The following ASB13 variants were observed in gnomAD, a reference collection of about 807,000 sequenced individuals.
ASB13 encodes ankyrin repeat and SOCS box containing 13.
A neutral mutation model predicts 28.8 loss-of-function variants in ASB13; 33 were observed. The ratio of observed to expected loss-of-function variants is 1.15; its 90% CI spans 0.87 to 1.53. The LOEUF is 1.53. Among genes scored for constraint, ASB13 ranks in the 40% most tolerant of loss-of-function variants. The probability of loss-of-function intolerance (pLI) is 0.00; values close to 1 mark genes in which losing one functional copy is unlikely to be tolerated. For missense variants in ASB13, 414 were observed against 390.1 expected (o/e 1.06, Z -0.52); for synonymous variants, 182 against 172.9 (o/e 1.05, Z -0.41).
Position 5,648,987 on chromosome 10 carries a change from T to C in ASB13, c.500A>G (p.Lys167Arg), listed in dbSNP as rs1032234340. The C allele has an allele frequency of 2.5e-6, 4 of 1,613,928 alleles. No homozygotes were observed. The African/African-American group carries it at 4.0e-5, about 16-fold the overall frequency. ...CCACTCACCTGCATTGAGCAGCACT[T>C]TGACACAGTCCAGATGCTCCCGGGC... ...ACAREHLDCV[K>R]VLLNAGANVN... The change falls in exon 4 of 6, where the codon AAA becomes AGA. Residue 167 changes from lysine to arginine, a missense_variant. Physicochemically the swap from Lys to Arg is conservative, Grantham distance 26. Coordinates refer to ENST00000357700, the MANE Select transcript of ASB13 (RefSeq NM_024701.4).
At chr10:5,654,150 T>TC in intron 1 of ASB13, among the ~76,000 whole-genome samples, 1 of 150,102 alleles carries the variant, frequency 6.7e-6, no homozygotes, top group South Asian at 2.1e-4. Context: ...TTTTTCTTTT[T>TC]TTTTTTTTTT....
In ASB13 at chr10:5,642,021, A is replaced by T; in HGVS notation, c.518-60T>A. On this transcript the variant is annotated intron_variant, in intron 4 of 5. Transcript: ENST00000357700. This position sits in a 1 kb window ranked among gnomAD's most constrained non-coding sequence, Gnocchi z 4.1. ...GAAGAGAACTTGAAGTCAGGGGGACAATCAGGTCCGTTTCGTCACACAGCA... is the reference window on the plus strand; with the variant it reads ...GAAGAGAACTTGAAGTCAGGGGGACTATCAGGTCCGTTTCGTCACACAGCA... The T allele has an allele frequency of 6.5e-7, 1 of 1,537,640 alleles. No individual in the cohort carries two copies. The highest frequency in any genetic ancestry group is 8.9e-7 in the Non-Finnish European group (1 of 1,123,758).
chr10:5,640,956 T>C lies in ASB13; in HGVS notation c.710-126A>G, dbSNP rs117743446. ...TCCCCTGGAACCGGGATGTGTCCTG[T>C]AGGCCTTCTCTGGAAGGACAGCCAG... On this transcript the variant is annotated intron_variant, in intron 5 of 5. Coordinates refer to ENST00000357700, the MANE Select transcript of ASB13 (RefSeq NM_024701.4). The C allele has an allele frequency of 4.3e-4, 547 of 1,267,068 alleles. 3 individuals carry two copies. The East Asian group carries it at 0.012, about 27-fold the overall frequency. 78.5% of individuals were successfully genotyped at this position (1,267,068 alleles called of 1,614,324 possible).
rs1834924068 is a variant in ASB13, at chr10:5,648,439, CA to C, written c.517+530del. Among the ~76,000 whole-genome samples, 550 of 146,322 alleles carry C rather than the reference CA, an allele frequency of 3.8e-3. 1 individual carries two copies. The highest frequency in any genetic ancestry group is 5.3e-3 in the Non-Finnish European group (349 of 65,938). On this transcript the variant is annotated intron_variant, in intron 4 of 5. Coordinates refer to ENST00000357700, the MANE Select transcript of ASB13 (RefSeq NM_024701.4). The stretch of plus-strand genomic sequence containing the variant: ...ACACCCACTCAGGCAAACACCCACT[CA>C]GGTAAACACCCACGCAGGCAAACAC...
At chr10:5,648,265 AGGTAAACACCCACGTG>A (rs1834919212) in intron 4 of ASB13, among the ~76,000 whole-genome samples, 4 of 144,462 alleles carry the variant, frequency 2.8e-5, no homozygotes, top group Admixed American at 1.4e-4. Context: ...ACACCCACTC[AGGTAAACACCCACGTG>A]GGCAAACACC....
At position 5,651,584 on chromosome 10, in the gene ASB13, C is replaced by T; in HGVS notation, c.232-221G>A. 1 of 535,946 alleles carries T rather than the reference C, an allele frequency of 1.9e-6. No individual in the cohort carries two copies. The highest frequency in any genetic ancestry group is 3.3e-6 in the Non-Finnish European group (1 of 305,942). 33.2% of individuals were successfully genotyped at this position (535,946 alleles called of 1,614,324 possible). ...CATCTCGTTCAGGATTCTTTTCTCT[C>T]AGGGCAGGATAAGCTCAGCAGCCCC... is the stretch of plus-strand genomic sequence containing the variant. On this transcript the variant is annotated intron_variant, in intron 2 of 5. Coordinates refer to ENST00000357700, the MANE Select transcript of ASB13 (RefSeq NM_024701.4). This position sits in a 1 kb window ranked among gnomAD's most constrained non-coding sequence, Gnocchi z 5.1.
chr10:5,665,960 A>T (rs1392705618), intron 1 of ASB13, among the ~76,000 whole-genome samples: 1 of 152,214 alleles, frequency 6.6e-6, no homozygotes, highest in African/African-American at 2.4e-5. Context: ...GTAGGCTGCG[A>T]ACTGGGATGG....
At position 5,648,395 on chromosome 10, in the gene ASB13, C is replaced by T. The variant is rs1310270517; in HGVS notation, c.517+575G>A. Among the ~76,000 whole-genome samples the T allele has an allele frequency of 5.3e-4, 63 of 118,300 alleles. 2 individuals carry two copies. The highest frequency in any genetic ancestry group is 7.8e-4 in the Admixed American group (9 of 11,588). The allele number at this position is 118,300 out of a possible 152,430, so 77.6% of individuals were successfully genotyped here. On this transcript the variant is annotated intron_variant, in intron 4 of 5. Coordinates refer to ENST00000357700, the MANE Select transcript of ASB13 (RefSeq NM_024701.4). The stretch of plus-strand genomic sequence containing the variant: ...CCATGCAGGCAAACACCCACTCAGG[C>T]AAACACCCCCTTGGGTAAACACCCA...
Position 5,644,883 on chromosome 10 carries a change from A to T in ASB13, c.518-2922T>A, listed in dbSNP as rs139986340. Among the ~76,000 whole-genome samples the T allele has an allele frequency of 1.0e-3, 159 of 152,220 alleles. 2 individuals are homozygous for T. Among genetic ancestry groups the T allele is most frequent in the African/African-American group, 3.6e-3 (151 of 41,536 alleles). The stretch of plus-strand genomic sequence containing the variant: ...AGAAGGAAGAGAGAAAGAGGGTAGG[A>T]GAGGGAAAGAAAGTAACTTTGTGTG... On this transcript the variant is annotated intron_variant, in intron 4 of 5. Coordinates refer to ENST00000357700, the MANE Select transcript of ASB13 (RefSeq NM_024701.4). This position sits in a 1 kb window ranked among gnomAD's most constrained non-coding sequence, Gnocchi z 5.1.
At position 5,661,506 on chromosome 10, in the gene ASB13, T is replaced by C. The variant is rs1246290916; in HGVS notation, c.43+5003A>G. ...ATTTTGTTTTCTTATTGTTTATTTA[T>C]TTATTTTTGAAACAGGGTCTCGCTG... On this transcript the variant is annotated intron_variant, in intron 1 of 5. Coordinates refer to ENST00000357700, the MANE Select transcript of ASB13 (RefSeq NM_024701.4). This position sits in a 1 kb window ranked among gnomAD's most constrained non-coding sequence, Gnocchi z 4.9. Among the ~76,000 whole-genome samples the C allele has an allele frequency of 1.3e-5, 2 of 152,172 alleles. No individual in the cohort carries two copies. The highest frequency in any genetic ancestry group is 2.9e-5 in the Non-Finnish European group (2 of 68,030).
chr10:5,642,124 A>G lies in ASB13; in HGVS notation c.518-163T>C, dbSNP rs983825799. On this transcript the variant is annotated intron_variant, in intron 4 of 5. Transcript: ENST00000357700. This position sits in a 1 kb window ranked among gnomAD's most constrained non-coding sequence, Gnocchi z 4.1. ...GTAGCTTTCAAAAATGTTTTTCAAC[A>G]TCCAAAAGCAGGAACTACTTACTGT... Among the ~76,000 whole-genome samples the G allele has an allele frequency of 2.0e-5, 3 of 152,244 alleles. No homozygotes were observed. The highest frequency in any genetic ancestry group is 4.4e-5 in the Non-Finnish European group (3 of 68,048).
intron 1 of ASB13, among the ~76,000 whole-genome samples, chr10:5,654,485 C>G (rs957150207): frequency 6.6e-6 from 1 of 152,174 alleles, no homozygotes; most frequent in Non-Finnish European, 1.5e-5. Flanking sequence ...AGTCATGTTT[C>G]TTTATTGTCT....
In ASB13 at chr10:5,649,374, G is replaced by A. The variant is rs148774370; in HGVS notation, c.383-270C>T. Among the ~76,000 whole-genome samples the A allele has an allele frequency of 6.7e-3, 1,024 of 152,222 alleles. 10 individuals carry two copies. The highest frequency in any genetic ancestry group is 0.024 in the African/African-American group (988 of 41,524). The stretch of plus-strand genomic sequence containing the variant: ...CTTGCTGTGAGAACAGAAGACATGG[G>A]GCACCACCTAGAATGGGTCAGGGAA... On this transcript the variant is annotated intron_variant, in intron 3 of 5. Transcript: ENST00000357700. This position sits in a 1 kb window ranked among gnomAD's most constrained non-coding sequence, Gnocchi z 6.4.
chr10:5,648,840 C>T (rs879035704), intron 4 of ASB13, 130 bp downstream of exon 4: 17 of 1,451,144 alleles, frequency 1.2e-5, no homozygotes, highest in East Asian at 2.4e-5. Context: ...ACATCCACTC[C>T]GGTAAACACC....
chr10:5,666,576 G>A lies in ASB13; in HGVS notation c.-25C>T. 2.6e-6 allele frequency: 3 copies of A among 1,133,394 alleles called. No homozygotes were observed. Among genetic ancestry groups the A allele is most frequent in the Admixed American group, 4.9e-5 (1 of 20,450 alleles). 70.2% of individuals were successfully genotyped at this position (1,133,394 alleles called of 1,614,324 possible). ...TGCGGCTCACCGGCGGCCGCGCGGC[G>A]ACTCTGGGCGCCGGGACCTGGGCCG... On this transcript the variant is annotated 5_prime_UTR_variant, in exon 1 of 6. Transcript: ENST00000357700.
In ASB13 at chr10:5,658,705, G is replaced by A. The variant is rs2131455702; in HGVS notation, c.44-5655C>T. 6.6e-6 allele frequency among the ~76,000 whole-genome samples: 1 copy of A among 152,182 alleles called. No homozygotes were observed. Among genetic ancestry groups the A allele is most frequent in the Middle Eastern group, 3.4e-3 (1 of 294 alleles). On this transcript the variant is annotated intron_variant, in intron 1 of 5. Coordinates refer to ENST00000357700, the MANE Select transcript of ASB13 (RefSeq NM_024701.4). This position sits in a 1 kb window ranked among gnomAD's most constrained non-coding sequence, Gnocchi z 4.2. Reference sequence around the variant, plus strand: ...AAATGGCTAAGGTGGTAACTTTTGTGTTCTGTGCTCTCTACTACAATTAAA... The same window carrying A: ...AAATGGCTAAGGTGGTAACTTTTGTATTCTGTGCTCTCTACTACAATTAAA...
intron 4 of ASB13, among the ~76,000 whole-genome samples, chr10:5,646,674 G>A (rs1255309385): frequency 6.6e-6 from 1 of 152,208 alleles, no homozygotes; most frequent in Non-Finnish European, 1.5e-5. Flanking sequence ...GTTTACCAGT[G>A]GAAGTGGCTT....
In ASB13 at chr10:5,656,480, A is replaced by C. The variant is rs547422267; in HGVS notation, c.44-3430T>G. ...CTTGAACCCAGGAGGCGGAGATTGC[A>C]GTGAGCTGAGATCGCACCATTGCAT... is the stretch of plus-strand genomic sequence containing the variant. On this transcript the variant is annotated intron_variant, in intron 1 of 5. Coordinates refer to ENST00000357700, the MANE Select transcript of ASB13 (RefSeq NM_024701.4). This position sits in a 1 kb window ranked among gnomAD's most constrained non-coding sequence, Gnocchi z 4.3. Among the ~76,000 whole-genome samples the C allele has an allele frequency of 1.3e-5, 2 of 152,032 alleles. No homozygotes were observed. The highest frequency in any genetic ancestry group is 3.9e-4 in the East Asian group (2 of 5,162).
rs1045679262 is a variant in ASB13 at position 5,661,143 on chromosome 10, C to T, written c.43+5366G>A. On this transcript the variant is annotated intron_variant, in intron 1 of 5. Transcript: ENST00000357700. This position sits in a 1 kb window ranked among gnomAD's most constrained non-coding sequence, Gnocchi z 4.9. ...CAAGTGGCAGCTCTGTGCCCAGGCC[C>T]GGCCACCCCCTAGAGAGCCTGTGTC... 3.3e-5 allele frequency among the ~76,000 whole-genome samples: 5 copies of T among 152,204 alleles called. No homozygotes were observed. Among genetic ancestry groups the T allele is most frequent in the South Asian group, 2.1e-4 (1 of 4,830 alleles).
Sources: gnomAD v4.1 joint callset for allele counts (sites outside exome capture counted in the v4.1 genomes callset) on GRCh38, gnomAD v4.1.1 for gene constraint, Gnocchi (gnomAD v3.1) non-coding constraint, MANE v1.5 for transcripts, NCBI Gene and HGNC (gene_info 2026-07-23, HGNC 2026-07-21) for gene names.